KIAA1586: variants seen among roughly 807,000 people sequenced by gnomAD.
KIAA1586 encodes E3 SUMO-protein ligase KIAA1586.
A neutral mutation model predicts 6.1 loss-of-function variants in KIAA1586; 5 were observed. That is an observed-to-expected ratio of 0.82 (90% CI 0.43 to 1.73). The LOEUF (loss-of-function observed/expected upper bound fraction) is 1.73. Among genes scored for constraint, KIAA1586 ranks in the 40% most tolerant of loss-of-function variants. KIAA1586 has a pLI of 0.02. For synonymous variants in KIAA1586, 280 were observed against 301.7 expected, an observed-to-expected ratio of 0.93 and a Z score of 0.75; for missense variants, 899 against 878.2, an observed-to-expected ratio of 1.02 and a Z score of -0.30.
At chr6:57,048,862 C>G (rs187335969) in intron 2 of KIAA1586, among the ~76,000 whole-genome samples, 1 of 151,962 alleles carries the variant, frequency 6.6e-6, no homozygotes, top group African/African-American at 2.4e-5. Flanking sequence ...ATGGGATGTA[C>G]AAAATTAAGT....
downstream of KIAA1586, among the ~76,000 whole-genome samples, chr6:57,057,602 A>G (rs1012021618): frequency 6.6e-6 from 1 of 151,954 alleles, no homozygotes; most frequent in Admixed American, 6.6e-5. Context: ...TAAAAATACA[A>G]AATTATCCAG....
At chr6:57,065,834 C>T in the KIAA1586 span, among the ~76,000 whole-genome samples, 1 of 152,016 alleles carries the variant, frequency 6.6e-6, no homozygotes, top group South Asian at 2.1e-4. Flanking sequence ...TAGTTTTTAT[C>T]TTTGAATTTC....
At position 57,055,026 on chromosome 6, in the gene KIAA1586, C is replaced by A; in HGVS notation, c.*163C>A. ...TAATCTTGAAGATTGGTTTTAGAAG[C>A]TATAGTTTTTTAGAGATTGGCCCAT... On this transcript the variant is annotated 3_prime_UTR_variant, in exon 4 of 4. Transcript: ENST00000370733. 1.2e-6 allele frequency: 1 copy of A among 832,036 alleles called. No homozygotes were observed. The highest frequency in any genetic ancestry group is 1.7e-6 in the Non-Finnish European group (1 of 573,042). The allele number at this position is 832,036 out of a possible 1,614,324, so 51.5% of individuals were successfully genotyped here. A position where few individuals can be genotyped will look rare whatever the true frequency, so the allele number is the denominator to read the frequency against.
chr6:57,050,688 C>A, intron 2 of KIAA1586, 86 bp from the exon 3 acceptor site: 1 of 913,340 alleles, frequency 1.1e-6, no homozygotes, highest in Non-Finnish European at 1.7e-6. Context: ...CCAATTCCAA[C>A]TAAAAAAATC....
chr6:57,053,911 CTG>C lies in KIAA1586; in HGVS notation c.1413_1414del (p.Glu472AsnfsTer3). ...GGAACTGTAGCTAAAGAACTTGAAA[CTG>C]AAATTATTAAAATTGGTCGAGTAAT... is the stretch of plus-strand genomic sequence containing the variant. On this transcript the variant is annotated frameshift_variant, in exon 4 of 4. Transcript: ENST00000370733. LOFTEE classifies it low-confidence loss of function (END_TRUNC). The C allele has an allele frequency of 2.5e-6, 4 of 1,582,714 alleles. No homozygotes were observed. The highest frequency in any genetic ancestry group is 3.4e-6 in the Non-Finnish European group (4 of 1,168,368).
In KIAA1586 at chr6:57,054,898, T is replaced by G. The variant is rs1165552733; in HGVS notation, c.*35T>G. Reference sequence around the variant, plus strand: ...TACGTTTTTTGTCATCTGTAAATTATGTACTACACATCCTTTATATACATA... The same window carrying G: ...TACGTTTTTTGTCATCTGTAAATTAGGTACTACACATCCTTTATATACATA... On this transcript the variant is annotated 3_prime_UTR_variant, in exon 4 of 4. Transcript: ENST00000370733. 2.0e-6 allele frequency: 3 copies of G among 1,500,284 alleles called. No homozygotes were observed. The highest frequency in any genetic ancestry group is 2.7e-6 in the Non-Finnish European group (3 of 1,122,282). The allele number at this position is 1,500,284 out of a possible 1,614,324, so 92.9% of individuals were successfully genotyped here.
At chr6:57,059,459 T>C (rs535758253), downstream of KIAA1586, among the ~76,000 whole-genome samples, 4 of 151,666 alleles carry the variant, frequency 2.6e-5, no homozygotes, top group South Asian at 8.3e-4. Context: ...GGTGTGGTGG[T>C]GGGTGCCTGT....
intron 1 of KIAA1586, 160 bp downstream of exon 1, chr6:57,046,936 G>C (rs1284040771): frequency 3.9e-6 from 4 of 1,033,822 alleles, no homozygotes; most frequent in African/African-American, 2.0e-5. Context: ...GTGTCTGAGC[G>C]AGGAACCCGC....
rs1828371229 is a variant in KIAA1586, at chr6:57,052,922, A to G, written c.423A>G (p.Gln141=). Residue 141 remains glutamine, a synonymous_variant, in exon 4 of 4, where the codon CAA becomes CAG. Coordinates refer to ENST00000370733, the MANE Select transcript of KIAA1586 (RefSeq NM_020931.4). ...LVLPDCWNEK[Q]AFMFTEQYKW... is the part of the protein sequence containing the mutation. ...TTCCAGATTGTTGGAATGAAAAACA[A>G]GCATTTATGTTTACAGAACAATACA... 6.2e-7 allele frequency: 1 copy of G among 1,612,652 alleles called. No homozygotes were observed.
At chr6:57,047,034 G>T (rs1828215228) in intron 1 of KIAA1586, 1 of 466,840 alleles carries the variant, frequency 2.1e-6, no homozygotes, top group Non-Finnish European at 3.6e-6. Flanking sequence ...TTTAAGGCAG[G>T]ATTGCCCTTC....
Position 57,054,685 on chromosome 6 carries a change from A to G in KIAA1586, c.2186A>G (p.His729Arg). Residue 729 changes from histidine (H) to arginine (R), a missense_variant, in exon 4 of 4, where the codon CAT becomes CGT. His to Arg is a conservative substitution (Grantham distance 29). Coordinates refer to ENST00000370733, the MANE Select transcript of KIAA1586 (RefSeq NM_020931.4). The stretch of plus-strand genomic sequence containing the variant: ...GTGAGAAATAGTTTAACAATAGATC[A>G]TGTATCAGATTTAATGACAATAAAT... ...TRVRNSLTID[H>R]VSDLMTINLL... 3 of 1,553,782 alleles carry G rather than the reference A, an allele frequency of 1.9e-6. No individual in the cohort carries two copies. The highest frequency in any genetic ancestry group is 2.6e-6 in the Non-Finnish European group (3 of 1,147,602).
At position 57,050,809 on chromosome 6, in the gene KIAA1586, T is replaced by C. The variant is rs1006038812; in HGVS notation, c.141T>C (p.Asp47=). ...GPSRPVLEYI[D]LVCGDDENPS... ...CGAGACCTGTTCTTGAATACATCGA[T>C]CTGGTCTGTGGTGATGATGAAAACC... The change falls in exon 3 of 4, where the codon GAT becomes GAC. Residue 47 remains aspartate (D), a synonymous_variant. Transcript: ENST00000370733. 6.2e-7 allele frequency: 1 copy of C among 1,613,434 alleles called. No individual in the cohort carries two copies. Among genetic ancestry groups the C allele is most frequent in the African/African-American group, 1.3e-5 (1 of 74,838 alleles).
Position 57,054,430 on chromosome 6 carries a change from T to C in KIAA1586, c.1931T>C (p.Ile644Thr). 2 of 1,609,648 alleles carry C rather than the reference T, an allele frequency of 1.2e-6. No individual in the cohort carries two copies. Among genetic ancestry groups the C allele is most frequent in the Non-Finnish European group, 1.7e-6 (2 of 1,178,088 alleles). Residue 644 changes from isoleucine to threonine, a missense_variant, in exon 4 of 4, where the codon ATA (isoleucine) becomes ACA (threonine). Ile to Thr is a moderately conservative substitution (Grantham distance 89). Coordinates refer to ENST00000370733, the MANE Select transcript of KIAA1586 (RefSeq NM_020931.4). ...CCTTCCACATGGCCTTATGAAGAAA[T>C]AACTTCACCATGGATAGCTGGTGAA... ...LEPSTWPYEEITSPWIAGEKT... is the reference protein window; with the variant it reads ...LEPSTWPYEETTSPWIAGEKT...
chr6:57,063,547 A>T, the KIAA1586 span, among the ~76,000 whole-genome samples: 5 of 128,594 alleles, frequency 3.9e-5, no homozygotes, highest in Non-Finnish European at 7.7e-5. Context: ...TCCTCCTCCC[A>T]TGCTCAAGCA....
the KIAA1586 span, among the ~76,000 whole-genome samples, chr6:57,063,571 A>T: frequency 6.9e-6 from 1 of 145,204 alleles, no homozygotes; most frequent in South Asian, 2.1e-4. Context: ...CTCCTGTCTC[A>T]GCCTCCTGAG....
chr6:57,059,644 G>A (rs114897782), downstream of KIAA1586, among the ~76,000 whole-genome samples: 2 of 150,896 alleles, frequency 1.3e-5, no homozygotes, highest in African/African-American at 4.9e-5. Flanking sequence ...TGTATTAGAC[G>A]GCACTACCCT....
chr6:57,054,927 GTCT>G lies in KIAA1586; in HGVS notation c.*66_*68del, dbSNP rs1440658694. 1.5e-6 allele frequency: 2 copies of G among 1,378,660 alleles called. No individual in the cohort carries two copies. Among genetic ancestry groups the G allele is most frequent in the Non-Finnish European group, 1.9e-6 (2 of 1,053,470 alleles). The allele number at this position is 1,378,660 out of a possible 1,614,324, so 85.4% of individuals were successfully genotyped here. ...CTACACATCCTTTATATACATAAAG[GTCT>G]TTTTTTTTTTTGGAAAGCCAGTTAA... is the stretch of plus-strand genomic sequence containing the variant. On this transcript the variant is annotated 3_prime_UTR_variant, in exon 4 of 4. Coordinates refer to ENST00000370733, the MANE Select transcript of KIAA1586 (RefSeq NM_020931.4).
chr6:57,063,278 G>A, the KIAA1586 span, among the ~76,000 whole-genome samples: 53 of 152,064 alleles, frequency 3.5e-4, no homozygotes, highest in Admixed American at 2.0e-3. Context: ...TGATAGAATC[G>A]TGGATAATTT....
At chr6:57,048,796 GTA>G (rs1828249013) in intron 2 of KIAA1586, among the ~76,000 whole-genome samples, 1 of 152,188 alleles carries the variant, frequency 6.6e-6, no homozygotes, top group South Asian at 2.1e-4. Flanking sequence ...CATTGAGAAA[GTA>G]TGTAGAAGTG....
Sources: gnomAD v4.1 joint callset for allele counts (sites outside exome capture counted in the v4.1 genomes callset) on GRCh38, gnomAD v4.1.1 for gene constraint, MANE v1.5 for transcripts, NCBI Gene and HGNC (gene_info 2026-07-23, HGNC 2026-07-21) for gene names.